Variants in PRKAR1A observed in about 807,000 individuals in gnomAD.
PRKAR1A encodes protein kinase cAMP-dependent type I regulatory subunit alpha, also known as cAMP-dependent protein kinase type I-alpha regulatory subunit.
PRKAR1A carries 3 observed loss-of-function variants against 52.0 expected under a neutral mutation model. The observed-to-expected ratio is 0.06, with a 90% CI of 0.03 to 0.15. The LOEUF (loss-of-function observed/expected upper bound fraction) is 0.15. Ranked by LOEUF, PRKAR1A falls within the 10% of genes least tolerant of loss-of-function variation. PRKAR1A has a pLI of 1.00. For synonymous variants in PRKAR1A, 188 were observed against 168.4 expected, an observed-to-expected ratio of 1.12 and a Z score of -0.90; for missense variants, 240 against 477.4, an observed-to-expected ratio of 0.50 and a Z score of 4.63.
the PRKAR1A span, among the ~76,000 whole-genome samples, chr17:68,469,396 G>A: frequency 6.6e-6 from 1 of 151,960 alleles, no homozygotes; most frequent in African/African-American, 2.4e-5. Context: ...TATCAAAACT[G>A]AAATTATCTT....
chr17:68,537,470 C>T (rs1221461557), downstream of PRKAR1A: 10 of 1,613,920 alleles, frequency 6.2e-6, no homozygotes, highest in South Asian at 9.9e-5. The surrounding 1 kb of genome is among the most constrained non-coding windows in gnomAD (Gnocchi z 4.2). Context: ...CTGGACTCTG[C>T]CAGCCCTTAG....
chr17:68,528,815 C>T (rs1334419076), intron 8 of PRKAR1A, 55 bp from the exon 9 acceptor site: 1 of 1,603,802 alleles, frequency 6.2e-7, no homozygotes, highest in East Asian at 2.2e-5. Flanking sequence ...TTTCTTTTTA[C>T]CTTTATAACA....
the PRKAR1A span, among the ~76,000 whole-genome samples, chr17:68,464,687 C>CAA: frequency 2.0e-4 from 25 of 124,642 alleles, no homozygotes; most frequent in African/African-American, 7.4e-4. Context: ...GACTCTGTCT[C>CAA]AAAAAAAAAA....
chr17:68,527,177 T>A (rs1480257987), intron 7 of PRKAR1A, among the ~76,000 whole-genome samples: 1 of 152,164 alleles, frequency 6.6e-6, no homozygotes, highest in East Asian at 1.9e-4. Flanking sequence ...GAAAGGAAAT[T>A]AGGGCCTCAC....
the PRKAR1A span, among the ~76,000 whole-genome samples, chr17:68,488,837 G>A: frequency 1.3e-5 from 2 of 151,680 alleles, no homozygotes; most frequent in African/African-American, 4.9e-5. Flanking sequence ...CCTGAGCTCT[G>A]GAGTGAAGAA....
At chr17:68,435,206 CAA>C in the PRKAR1A span, among the ~76,000 whole-genome samples, 3 of 139,198 alleles carry the variant, frequency 2.2e-5, no homozygotes, top group African/African-American at 2.7e-5. Context: ...GACTCCACCT[CAA>C]AAAAAAAAAA....
the PRKAR1A span, chr17:68,421,670 C>T: frequency 1.3e-6 from 2 of 1,527,546 alleles, no homozygotes; most frequent in East Asian, 2.3e-5. Context: ...GATTCCTGCC[C>T]CCCTTTCTGC....
At chr17:68,505,102 C>T in the PRKAR1A span, among the ~76,000 whole-genome samples, 2 of 152,114 alleles carry the variant, frequency 1.3e-5, no homozygotes, top group Admixed American at 1.3e-4. Flanking sequence ...CAAGACTAGC[C>T]TGGGCAATGT....
chr17:68,435,669 G>A, the PRKAR1A span: 612 of 1,614,222 alleles, frequency 3.8e-4, 4 homozygotes, highest in African/African-American at 7.2e-3. Context: ...GAAGGTGATG[G>A]CAGCTAGTGT....
intron 11 of PRKAR1A, among the ~76,000 whole-genome samples, chr17:68,550,285 A>G (rs1416999766): frequency 1.3e-5 from 2 of 151,028 alleles, no homozygotes; most frequent in African/African-American, 4.9e-5. Context: ...CAGACATTCA[A>G]TTGTCTCATG....
intron 11 of PRKAR1A, among the ~76,000 whole-genome samples, chr17:68,548,327 C>T (rs2086662814): frequency 6.6e-6 from 1 of 152,026 alleles, no homozygotes; most frequent in South Asian, 2.1e-4. Context: ...GTCGAGAGTT[C>T]GAGACCAGCC....
intron 11 of PRKAR1A, chr17:68,543,595 T>C (rs1258722939): frequency 2.5e-6 from 4 of 1,591,916 alleles, no homozygotes; most frequent in Middle Eastern, 1.7e-4. Context: ...TTGGTCCTTA[T>C]AGGCAATGCC....
At chr17:68,492,476 T>C in the PRKAR1A span, among the ~76,000 whole-genome samples, 2 of 151,968 alleles carry the variant, frequency 1.3e-5, no homozygotes, top group African/African-American at 2.4e-5. Context: ...CTGAGAGGAA[T>C]TGTTTTGGGC....
the PRKAR1A span, among the ~76,000 whole-genome samples, chr17:68,447,695 G>C: frequency 6.6e-6 from 1 of 152,084 alleles, no homozygotes; most frequent in East Asian, 1.9e-4. Flanking sequence ...TATATACTTA[G>C]AAAAAAGGGA....
chr17:68,483,485 C>T, the PRKAR1A span, among the ~76,000 whole-genome samples: 4 of 151,556 alleles, frequency 2.6e-5, no homozygotes, highest in Admixed American at 6.6e-5. Flanking sequence ...CGTCTTAAAA[C>T]AAAACAAAAC....
At chr17:68,522,671 A>G in intron 2 of PRKAR1A, 85 bp from the exon 3 acceptor site, 1 of 1,421,856 alleles carries the variant, frequency 7.0e-7, no homozygotes, top group South Asian at 1.2e-5. Context: ...ATTGGAAGTG[A>G]CTGAGATAGA....
rs1237531944 is a variant in PRKAR1A, at chr17:68,519,948, A to T, written c.178-2808A>T. Among the ~76,000 whole-genome samples, 3 of 152,262 alleles carry T rather than the reference A, an allele frequency of 2.0e-5. No individual in the cohort carries two copies. In the East Asian group the frequency reaches 5.8e-4, roughly 29 times the overall value. On this transcript the variant is annotated intron_variant, in intron 2 of 10. Transcript: ENST00000589228. ...GAAATTAAGTAATGTGGCTGTGGTT[A>T]TAGACTGTAGTCGTCAGCTTTTGCT...
chr17:68,499,710 T>A, the PRKAR1A span, among the ~76,000 whole-genome samples: 1 of 152,248 alleles, frequency 6.6e-6, no homozygotes, highest in Admixed American at 6.5e-5. Context: ...ATTGCTTGTG[T>A]TGGTCCTCTA....
the PRKAR1A span, among the ~76,000 whole-genome samples, chr17:68,469,071 T>C: frequency 6.6e-6 from 1 of 152,068 alleles, no homozygotes; most frequent in South Asian, 2.1e-4. Context: ...TGGGATCTCT[T>C]TCTCCTGAGC....
Sources: gnomAD v4.1 joint callset for allele counts (sites outside exome capture counted in the v4.1 genomes callset) on GRCh38, gnomAD v4.1.1 for gene constraint, Gnocchi (gnomAD v3.1) non-coding constraint, MANE v1.5 for transcripts, NCBI Gene and HGNC (gene_info 2026-07-23, HGNC 2026-07-21) for gene names.